NRDC: variants seen among roughly 807,000 people sequenced by gnomAD.
The protein encoded by NRDC is nardilysin.
Under a neutral mutation model 147.1 loss-of-function variants are expected in NRDC, and 54 were observed. The ratio of observed to expected loss-of-function variants is 0.37; its 90% CI spans 0.29 to 0.46. The LOEUF is 0.46. Ranked by LOEUF, NRDC falls within the 20% of genes least tolerant of loss-of-function variation. The probability of loss-of-function intolerance (pLI) is 1.00; values close to 1 mark genes in which losing one functional copy is unlikely to be tolerated. For missense variants in NRDC, 1,082 were observed against 1,370.6 expected (o/e 0.79, Z 3.33); for synonymous variants, 440 against 482.1 (o/e 0.91, Z 1.14).
chr1:51,865,719 G>A (rs187186365), intron 1 of NRDC, among the ~76,000 whole-genome samples: 1 of 152,190 alleles, frequency 6.6e-6, no homozygotes, highest in East Asian at 1.9e-4. Flanking sequence ...AAAAAAAAGT[G>A]AGAAATACAA....
chr1:51,796,726 T>A (rs1340718577), intron 22 of NRDC, among the ~76,000 whole-genome samples: 2 of 151,312 alleles, frequency 1.3e-5, no homozygotes, highest in Non-Finnish European at 2.9e-5. Flanking sequence ...TAGCTGGAAC[T>A]ACAGGCATGT....
intron 1 of NRDC, among the ~76,000 whole-genome samples, chr1:51,857,628 G>A (rs1682317603): frequency 6.6e-6 from 1 of 152,170 alleles, no homozygotes; most frequent in Non-Finnish European, 1.5e-5. Flanking sequence ...TTGGAACCGA[G>A]TTTGAGCAAA....
intron 22 of NRDC, chr1:51,795,204 A>G (rs1435211874): frequency 7.5e-7 from 1 of 1,324,730 alleles, no homozygotes; most frequent in South Asian, 1.2e-5. Flanking sequence ...CCATTGACAT[A>G]GAACCTGGAT....
intron 4 of NRDC, among the ~76,000 whole-genome samples, chr1:51,828,525 C>T (rs1163853339): frequency 6.6e-6 from 1 of 151,956 alleles, no homozygotes; most frequent in Non-Finnish European, 1.5e-5. Flanking sequence ...CTTATAATTT[C>T]ATCTGCTTTT....
intron 8 of NRDC, 128 bp downstream of exon 8, chr1:51,821,370 T>G (rs565105363): frequency 1.8e-6 from 1 of 554,554 alleles, no homozygotes; most frequent in African/African-American, 1.9e-5. Context: ...TGACAGTCAT[T>G]AAGTTTGTTT....
chr1:51,830,505 G>T (rs1338080543), intron 4 of NRDC, among the ~76,000 whole-genome samples: 1 of 152,148 alleles, frequency 6.6e-6, no homozygotes, highest in African/African-American at 2.4e-5. Context: ...CTTCTCCCAG[G>T]CTCCTGGGAA....
chr1:51,801,936 T>C (rs770762141), intron 20 of NRDC, among the ~76,000 whole-genome samples: 1 of 151,990 alleles, frequency 6.6e-6, no homozygotes, highest in Non-Finnish European at 1.5e-5. Context: ...TACAGGCGCC[T>C]GCCACCACGC....
chr1:51,818,256 C>A, intron 9 of NRDC, 121 bp from the exon 10 acceptor site: 1 of 613,602 alleles, frequency 1.6e-6, no homozygotes. Context: ...AAGTACAATG[C>A]AGTTATTGTT....
rs529414421 is a variant in NRDC, at chr1:51,808,454, G to A, written c.1990+861C>T. On this transcript the variant is annotated intron_variant, in intron 17 of 30. Coordinates refer to ENST00000352171, the MANE Select transcript of NRDC (RefSeq NM_001101662.2). ...GTTTGCAAGGTTCTTCCCCATTATA[G>A]TATGTATCAGTACTACACTTTTTAT... is the stretch of plus-strand genomic sequence containing the variant. 3.9e-5 allele frequency among the ~76,000 whole-genome samples: 6 copies of A among 152,254 alleles called. No individual in the cohort carries two copies. In the South Asian group the frequency reaches 1.0e-3, roughly 26 times the overall value.
chr1:51,790,695 C>G (rs750806981), intron 28 of NRDC, 46 bp from the exon 29 acceptor site: 1 of 1,349,490 alleles, frequency 7.4e-7, no homozygotes, highest in Non-Finnish European at 1.1e-6. Context: ...CAACATACCA[C>G]TTCCCACAGA....
chr1:51,818,067 T>C lies in NRDC; in HGVS notation c.1360A>G (p.Arg454Gly). 1 of 1,605,256 alleles carries C rather than the reference T, an allele frequency of 6.2e-7. No individual in the cohort carries two copies. The highest frequency in any genetic ancestry group is 1.1e-5 in the South Asian group (1 of 89,564). The change falls in exon 10 of 31, where the codon AGG becomes GGG. Residue 454 changes from arginine to glycine, a missense_variant and splice_region_variant. By Grantham distance (125) the Arg-to-Gly change is moderately radical (BLOSUM62 -2). Transcript: ENST00000352171. ...GTAAATTTTCCCTTAAACTCTTACC[T>C]GTAATGTTGCTGTTGAGGAGGAAGT... is the stretch of plus-strand genomic sequence containing the variant. ...WALPPQQQHYRVKPLHYISWL... is the reference protein window; with the variant it reads ...WALPPQQQHYGVKPLHYISWL...
In NRDC at chr1:51,792,000, GC is replaced by G. The variant is rs769718887; in HGVS notation, c.2876+45del. ...ATCTGATGAACAGCCTGCAAAGTAA[GC>G]CCTAGGCCCTTATTTGAGCTCAGTG... On this transcript the variant is annotated intron_variant, in intron 26 of 30. Transcript: ENST00000352171. 1.1e-5 allele frequency: 17 copies of G among 1,598,618 alleles called. No homozygotes were observed. The East Asian group carries it at 3.3e-4, about 31-fold the overall frequency.
rs115874873 is a variant in NRDC, at chr1:51,809,231, C to T, written c.1990+84G>A. ...TGGGAATCTCAAATATAAATTCCTACGATACTTTGTAAAATATAATGTGCT... is the reference window on the plus strand; with the variant it reads ...TGGGAATCTCAAATATAAATTCCTATGATACTTTGTAAAATATAATGTGCT... On this transcript the variant is annotated intron_variant, in intron 17 of 30. Coordinates refer to ENST00000352171, the MANE Select transcript of NRDC (RefSeq NM_001101662.2). 3.8e-4 allele frequency: 328 copies of T among 870,010 alleles called. 2 individuals are homozygous for T. The African/African-American group carries it at 4.0e-3, about 11-fold the overall frequency. The allele number at this position is 870,010 out of a possible 1,614,324, so 53.9% of individuals were successfully genotyped here. A position where few individuals can be genotyped will look rare whatever the true frequency, so the allele number is the denominator to read the frequency against.
chr1:51,802,694 G>A (rs1348752393), intron 20 of NRDC, among the ~76,000 whole-genome samples: 1 of 152,122 alleles, frequency 6.6e-6, no homozygotes, highest in African/African-American at 2.4e-5. Flanking sequence ...TTGTTCCATG[G>A]GGAGATGGAG....
At chr1:51,824,449 T>G (rs1264260422) in intron 6 of NRDC, among the ~76,000 whole-genome samples, 1 of 152,052 alleles carries the variant, frequency 6.6e-6, no homozygotes, top group African/African-American at 2.4e-5. Context: ...ATAAAACACA[T>G]GAAGCAAGAA....
intron 1 of NRDC, among the ~76,000 whole-genome samples, chr1:51,864,823 A>C (rs998135495): frequency 6.6e-6 from 1 of 151,906 alleles, no homozygotes; most frequent in Non-Finnish European, 1.5e-5. Context: ...GTGGTGGTGC[A>C]TGCCTGTAGT....
intron 17 of NRDC, among the ~76,000 whole-genome samples, chr1:51,808,766 G>C (rs554958730): frequency 6.6e-6 from 1 of 152,296 alleles, no homozygotes; most frequent in East Asian, 1.9e-4. Flanking sequence ...AACTCACTTA[G>C]AAATATGTTT....
At chr1:51,795,290 T>C in intron 22 of NRDC, 1 of 1,050,322 alleles carries the variant, frequency 9.5e-7, no homozygotes. Context: ...TTCTTATCTA[T>C]AAAATAAGGG....
intron 3 of NRDC, among the ~76,000 whole-genome samples, chr1:51,835,464 CT>C (rs1026010867): frequency 7.8e-6 from 1 of 127,696 alleles, no homozygotes; most frequent in Non-Finnish European, 1.6e-5. Context: ...TTTTTTGTTT[CT>C]TGTTTTTTTT....
Sources: allele counts gnomAD v4.1 joint callset (sites outside exome capture counted in the v4.1 genomes callset), GRCh38; gene constraint gnomAD v4.1.1; transcripts MANE v1.5; gene names NCBI Gene and HGNC (gene_info 2026-07-23, HGNC 2026-07-21).